PRKAG2: variants seen among roughly 807,000 people sequenced by gnomAD.
The protein encoded by PRKAG2 is 5'-AMP-activated protein kinase subunit gamma-2.
Under a neutral mutation model 69.6 loss-of-function variants are expected in PRKAG2, and 26 were observed. That is an observed-to-expected ratio of 0.37 (90% confidence interval 0.27 to 0.52). The LOEUF (loss-of-function observed/expected upper bound fraction) is 0.52, where lower values mean the gene tolerates loss of function less well. Ranked by LOEUF, PRKAG2 falls within the 20% of genes least tolerant of loss-of-function variation. PRKAG2 has a pLI of 0.90. For synonymous variants in PRKAG2, 293 were observed against 285.0 expected (o/e 1.03, Z -0.28); for missense variants, 557 against 740.0 (o/e 0.75, Z 2.87).
intron 4 of PRKAG2, among the ~76,000 whole-genome samples, chr7:151,656,112 TAA>T (rs1160867953): frequency 1.3e-5 from 2 of 152,222 alleles, no homozygotes; most frequent in Non-Finnish European, 2.9e-5. Flanking sequence ...TTATTGTAGT[TAA>T]GTTTTAAAAA....
At position 151,578,554 on chromosome 7, in the gene PRKAG2, G is replaced by A. The variant is rs78195204; in HGVS notation, c.865-2102C>T. ...ACAAGAATATAGGGACTACTGGTGC[G>A]TTGAGGGAGCTCATCAATTATTTCA... is the stretch of plus-strand genomic sequence containing the variant. On this transcript the variant is annotated intron_variant, in intron 6 of 15. Transcript: ENST00000287878. Among the ~76,000 whole-genome samples the A allele has an allele frequency of 9.6e-3, 1,457 of 152,270 alleles. 20 individuals are homozygous for A. The highest frequency in any genetic ancestry group is 0.03 in the African/African-American group (1,265 of 41,544).
intron 3 of PRKAG2, among the ~76,000 whole-genome samples, chr7:151,696,380 C>T (rs944034423): frequency 1.3e-5 from 2 of 152,186 alleles, no homozygotes; most frequent in African/African-American, 2.4e-5. Flanking sequence ...CGGGGCAGCG[C>T]AACGCCACAG....
In PRKAG2 at chr7:151,695,756, C is replaced by T. The variant is rs964684806; in HGVS notation, c.467-20119G>A. 6.6e-5 allele frequency among the ~76,000 whole-genome samples: 10 copies of T among 152,106 alleles called. No homozygotes were observed. In the South Asian group the frequency reaches 8.3e-4, roughly 13 times the overall value. ...GTTGCTTCCAAGGTGTGCTTAAAGC[C>T]GGCTCTCTTCTTTGTGGTCTGAGCA... On this transcript the variant is annotated intron_variant, in intron 3 of 15. Coordinates refer to ENST00000287878, the MANE Select transcript of PRKAG2 (RefSeq NM_016203.4).
chr7:151,683,492 C>T (rs936638699), intron 3 of PRKAG2, among the ~76,000 whole-genome samples: 1 of 152,182 alleles, frequency 6.6e-6, no homozygotes, highest in African/African-American at 2.4e-5. Flanking sequence ...GAGCTAGAGC[C>T]TCATTCCTGC....
chr7:151,651,435 C>T (rs562120343), intron 4 of PRKAG2, among the ~76,000 whole-genome samples: 8 of 152,104 alleles, frequency 5.3e-5, no homozygotes, highest in East Asian at 1.9e-4. Context: ...AGTGAAACCC[C>T]GTCTCTACTA....
intron 3 of PRKAG2, among the ~76,000 whole-genome samples, chr7:151,694,143 G>A (rs762565374): frequency 2.3e-4 from 35 of 152,158 alleles, no homozygotes; most frequent in Non-Finnish European, 3.7e-4. Context: ...CAAAGTATTG[G>A]GATTACAGGC....
At position 151,781,157 on chromosome 7, in the gene PRKAG2, C is replaced by G; in HGVS notation, c.461G>C (p.Arg154Thr). Residue 154 changes from arginine to threonine, a missense_variant, in exon 3 of 16, where the codon AGA becomes ACA. By Grantham distance (71) the Arg-to-Thr change is moderately conservative. Transcript: ENST00000287878. This position sits in a 1 kb window ranked among gnomAD's most constrained non-coding sequence, Gnocchi z 6.1. ...CAATAGCATCAAGGTCTTACTTTTT[C>G]TGGAGCGGGAGAAAAACCTGATGCC... ...PGGIRFFSRS[R>T]KTSGLSSSPS... 1 of 1,613,920 alleles carries G rather than the reference C, an allele frequency of 6.2e-7. No individual in the cohort carries two copies.
chr7:151,654,352 T>C (rs889392057), intron 4 of PRKAG2, among the ~76,000 whole-genome samples: 4 of 152,160 alleles, frequency 2.6e-5, no homozygotes, highest in Admixed American at 2.0e-4. Context: ...TTCCCCTCCT[T>C]AACTCATATG....
intron 3 of PRKAG2, among the ~76,000 whole-genome samples, chr7:151,755,326 G>A (rs79215320): frequency 0.2 from 29,954 of 151,992 alleles, 3,850 homozygotes; most frequent in East Asian, 0.58. Context: ...CTAGCAGAGG[G>A]CCTAGGGGAC....
intron 3 of PRKAG2, chr7:151,735,868 C>G (rs1385790790): frequency 1.3e-6 from 2 of 1,536,060 alleles, no homozygotes; most frequent in Non-Finnish European, 8.7e-7. Context: ...AAGGACAGAC[C>G]ACCAGGGGCT....
At chr7:151,573,333 GTTTTTTTTTTTTTT>G (rs57854174) in intron 8 of PRKAG2, among the ~76,000 whole-genome samples, 4 of 82,836 alleles carry the variant, frequency 4.8e-5, no homozygotes, top group South Asian at 1.0e-3. Context: ...ATTTTTGTGG[GTTTTTTTTTTTTTT>G]TTTTTTTTTT....
chr7:151,730,463 C>T (rs10807989), intron 3 of PRKAG2, among the ~76,000 whole-genome samples: 55,943 of 152,052 alleles, frequency 0.37, 11,205 homozygotes, highest in East Asian at 0.46. Context: ...CCCAGGAGTT[C>T]GAGACCACCC....
At chr7:151,573,667 T>C (rs1000514741) in intron 8 of PRKAG2, among the ~76,000 whole-genome samples, 4 of 152,166 alleles carry the variant, frequency 2.6e-5, no homozygotes, top group African/African-American at 9.7e-5. Context: ...ATATGACCAC[T>C]ATAAGGAAAG....
At chr7:151,580,413 CGTA>C (rs1810102144) in intron 6 of PRKAG2, among the ~76,000 whole-genome samples, 2 of 151,986 alleles carry the variant, frequency 1.3e-5, no homozygotes, top group South Asian at 4.2e-4. Flanking sequence ...TGCACAGAAC[CGTA>C]GGAGGGAACA....
At chr7:151,869,039 T>C (rs1662732706) in intron 1 of PRKAG2, among the ~76,000 whole-genome samples, 2 of 152,132 alleles carry the variant, frequency 1.3e-5, no homozygotes, top group South Asian at 2.1e-4. Context: ...CAGTCCAAAT[T>C]GCAAACCCTG....
intron 1 of PRKAG2, among the ~76,000 whole-genome samples, chr7:151,857,045 TG>T (rs1203787162): frequency 1.2e-4 from 18 of 150,784 alleles, no homozygotes; most frequent in Admixed American, 1.0e-3. Context: ...CACTAACCAG[TG>T]TAATTTTTGC....
chr7:151,789,287 A>G (rs1406893769), intron 1 of PRKAG2, among the ~76,000 whole-genome samples: 1 of 152,202 alleles, frequency 6.6e-6, no homozygotes, highest in Non-Finnish European at 1.5e-5. Flanking sequence ...ATCCATAAAC[A>G]TAGGATGTGT....
At chr7:151,658,856 T>A (rs1441070959) in intron 4 of PRKAG2, among the ~76,000 whole-genome samples, 1 of 152,178 alleles carries the variant, frequency 6.6e-6, no homozygotes, top group East Asian at 1.9e-4. Context: ...ATTAAAGGAC[T>A]AAGATGGAAA....
chr7:151,782,769 C>T (rs573187494), intron 2 of PRKAG2, among the ~76,000 whole-genome samples: 2 of 152,322 alleles, frequency 1.3e-5, no homozygotes, highest in East Asian at 3.9e-4. Context: ...GCTGCTTGAA[C>T]GTCAGATGAA....
Sources: gnomAD v4.1 joint callset for allele counts (sites outside exome capture counted in the v4.1 genomes callset) on GRCh38, gnomAD v4.1.1 for gene constraint, Gnocchi (gnomAD v3.1) non-coding constraint, MANE v1.5 for transcripts, NCBI Gene and HGNC (gene_info 2026-07-23, HGNC 2026-07-21) for gene names.